Variants in RIPOR2 observed in about 807,000 individuals in gnomAD.
RIPOR2 encodes rho family-interacting cell polarization regulator 2.
Under a neutral mutation model 114.5 loss-of-function variants are expected in RIPOR2, and 39 were observed. That is an observed-to-expected ratio of 0.34 (90% CI 0.26 to 0.44). The LOEUF is 0.44. Among genes scored for constraint, RIPOR2 ranks in the 20% least tolerant of loss-of-function variants. The pLI, the probability that RIPOR2 is intolerant of heterozygous loss-of-function variation, is 1.00. For synonymous variants in RIPOR2, 445 were observed against 484.4 expected (o/e 0.92, Z 1.07); for missense variants, 1,007 against 1,255.1 (o/e 0.80, Z 2.99).
In RIPOR2 at chr6:24,806,695, A is replaced by C. The variant is rs9379690; in HGVS notation, c.3044-222T>G. Among the ~76,000 whole-genome samples the C allele has an allele frequency of 0.45, 67,834 of 152,010 alleles. 16,052 individuals carry two copies. Among genetic ancestry groups the C allele is most frequent in the Non-Finnish European group, 0.54 (36,424 of 67,990 alleles). ...TGAGCTAATTAATGCCAGAGACCAA[A>C]AGAATGCCAGGGTATGAAACAGAGT... On this transcript the variant is annotated intron_variant, in intron 21 of 21. Transcript: ENST00000643898.
intron 1 of RIPOR2, among the ~76,000 whole-genome samples, chr6:24,986,322 T>G (rs995533438): frequency 6.6e-6 from 1 of 152,232 alleles, no homozygotes; most frequent in Non-Finnish European, 1.5e-5. Context: ...GTCCATGCTC[T>G]TAACCACTGT....
In RIPOR2 at chr6:24,804,456, ACAAAC is replaced by A. The variant is rs1267994770; in HGVS notation, c.*1912_*1916del. ...AGTCAAAATAAAAAATAAAAAAATGACAAACCAAACACAAAATCCTGTAACATCTG... is the reference window on the plus strand; with the variant it reads ...AGTCAAAATAAAAAATAAAAAAATGACAAACACAAAATCCTGTAACATCTG... On this transcript the variant is annotated 3_prime_UTR_variant, in exon 22 of 22. Transcript: ENST00000643898. 4 of 151,226 alleles carry A rather than the reference ACAAAC, an allele frequency of 2.6e-5. No homozygotes were observed. Among genetic ancestry groups the A allele is most frequent in the African/African-American group, 9.7e-5 (4 of 41,276 alleles). The allele number at this position is 151,226 out of a possible 1,614,324, so 9.4% of individuals were successfully genotyped here.
intron 1 of RIPOR2, among the ~76,000 whole-genome samples, chr6:24,918,425 T>C (rs1404522645): frequency 3.9e-5 from 6 of 152,210 alleles, no homozygotes; most frequent in Admixed American, 2.6e-4. Context: ...TCTCTTTCCA[T>C]TGTAGGCCAG....
chr6:25,000,931 A>C (rs1312748136), intron 1 of RIPOR2, among the ~76,000 whole-genome samples: 1 of 152,150 alleles, frequency 6.6e-6, no homozygotes, highest in Non-Finnish European at 1.5e-5. Context: ...ACCAGGCATC[A>C]TTTACCACTT....
intron 19 of RIPOR2, among the ~76,000 whole-genome samples, chr6:24,820,027 T>TTTTA (rs1250244686): frequency 1.3e-5 from 2 of 152,136 alleles, no homozygotes; most frequent in African/African-American, 2.4e-5. Flanking sequence ...TATTTTCTAT[T>TTTTA]TTTATTTATT....
rs1412879818 is a variant in RIPOR2 at position 24,830,483 on chromosome 6, A to G, written c.2506+26T>C. The stretch of plus-strand genomic sequence containing the variant: ...CCCACTCTCACACTGAAGGACAGAA[A>G]TTCTCTCTCTACTGCTGCCTCATAC... On this transcript the variant is annotated intron_variant, in intron 17 of 21. Coordinates refer to ENST00000643898, the MANE Select transcript of RIPOR2 (RefSeq NM_001286445.3). The G allele has an allele frequency of 3.2e-6, 5 of 1,546,866 alleles. No individual in the cohort carries two copies. In the African/African-American group the frequency reaches 5.5e-5, roughly 17 times the overall value.
chr6:24,987,722 T>C (rs1483910877), intron 1 of RIPOR2, among the ~76,000 whole-genome samples: 3 of 152,202 alleles, frequency 2.0e-5, no homozygotes, highest in Non-Finnish European at 4.4e-5. Flanking sequence ...TATGTATAAA[T>C]GTCCTTGCCG....
chr6:24,818,350 A>G (rs1167594903), intron 20 of RIPOR2, among the ~76,000 whole-genome samples, 192 bp downstream of exon 20: 1 of 152,176 alleles, frequency 6.6e-6, no homozygotes, highest in Non-Finnish European at 1.5e-5. Context: ...CCACTTATTG[A>G]CTTTAACAAA....
rs1400255179 is a variant in RIPOR2 at position 24,943,302 on chromosome 6, G to T, written c.77-67485C>A. ...TGGGAACTGAACAATGAGAACACTT[G>T]GACACAGGAAGGGGAACATCACACA... On this transcript the variant is annotated intron_variant, in intron 1 of 13. Transcript: ENST00000510784. Among the ~76,000 whole-genome samples the T allele has an allele frequency of 2.6e-5, 4 of 152,116 alleles. No individual in the cohort carries two copies. The South Asian group carries it at 8.3e-4, about 32-fold the overall frequency.
Position 24,825,398 on chromosome 6 carries a change from CTT to C in RIPOR2, c.2694_2695del (p.Asp900Ter), listed in dbSNP as rs1275019854. The C allele has an allele frequency of 5.2e-6, 8 of 1,552,164 alleles. No individual in the cohort carries two copies. Among genetic ancestry groups the C allele is most frequent in the Non-Finnish European group, 7.0e-6 (8 of 1,147,064 alleles). On this transcript the variant is annotated frameshift_variant, in exon 19 of 22. Coordinates refer to ENST00000643898, the MANE Select transcript of RIPOR2 (RefSeq NM_001286445.3). LOFTEE classifies it high-confidence loss of function. ...CATGGTTTGTAGCAGTTTTTCATCT[CTT>C]AGTGATTGCAGAGTCTGAACCATGG...
chr6:25,000,996 T>C (rs1354603595), intron 1 of RIPOR2, among the ~76,000 whole-genome samples: 2 of 152,196 alleles, frequency 1.3e-5, no homozygotes, highest in Admixed American at 1.3e-4. Flanking sequence ...ACCTCGATTT[T>C]TTTTCAGGTG....
rs367795508 is a variant in RIPOR2, at chr6:24,999,712, C to T, written c.76+42139G>A. ...CTGGGACTACAGGCGCCCACCACCA[C>T]GCCTGGCTAATTTTTTTGTATTTTT... On this transcript the variant is annotated intron_variant, in intron 1 of 13. Transcript: ENST00000510784. 2.8e-3 allele frequency among the ~76,000 whole-genome samples: 427 copies of T among 152,156 alleles called. 1 individual carries two copies. Among genetic ancestry groups the T allele is most frequent in the African/African-American group, 9.6e-3 (399 of 41,526 alleles).
rs76658511 is a variant in RIPOR2 at position 24,974,104 on chromosome 6, T to C, written c.76+67747A>G. The stretch of plus-strand genomic sequence containing the variant: ...TGTGCTCGTTGAGTCTAATAAGTTG[T>C]GTTGGGTGGTGGCTCATGCCTGTAA... On this transcript the variant is annotated intron_variant, in intron 1 of 13. Transcript: ENST00000510784. Among the ~76,000 whole-genome samples, 1,509 of 152,188 alleles carry C rather than the reference T, an allele frequency of 9.9e-3. 17 individuals carry two copies. The highest frequency in any genetic ancestry group is 0.032 in the African/African-American group (1,310 of 41,508).
chr6:24,852,567 ATACT>A lies in RIPOR2; in HGVS notation c.759+4_759+7del. On this transcript the variant is annotated splice_donor_5th_base_variant and intron_variant, in intron 9 of 21. Coordinates refer to ENST00000643898, the MANE Select transcript of RIPOR2 (RefSeq NM_001286445.3). The stretch of plus-strand genomic sequence containing the variant: ...TAATTCCAGCACCTAGACCAAGACA[ATACT>A]TACTTCATATTGATCTCCAGGACAG... The A allele has an allele frequency of 6.2e-7, 1 of 1,609,786 alleles. No homozygotes were observed. The highest frequency in any genetic ancestry group is 8.5e-7 in the Non-Finnish European group (1 of 1,177,214).
At chr6:24,998,890 T>TA (rs931171047) in intron 1 of RIPOR2, among the ~76,000 whole-genome samples, 2 of 147,730 alleles carry the variant, frequency 1.4e-5, no homozygotes, top group African/African-American at 5.0e-5. Context: ...TTTTTTTTTT[T>TA]ATTGTAGAGC....
chr6:24,851,434 T>C (rs1253355372), intron 9 of RIPOR2, among the ~76,000 whole-genome samples: 1 of 152,152 alleles, frequency 6.6e-6, no homozygotes, highest in Non-Finnish European at 1.5e-5. Flanking sequence ...TTACTCTGGA[T>C]AGAGAGATGG....
At chr6:24,944,835 T>C (rs1772327425) in intron 1 of RIPOR2, among the ~76,000 whole-genome samples, 1 of 152,072 alleles carries the variant, frequency 6.6e-6, no homozygotes, top group Admixed American at 6.6e-5. Context: ...TCTTCAATAA[T>C]ACTAAAAAGC....
chr6:24,896,225 T>C (rs1258688423), intron 1 of RIPOR2, among the ~76,000 whole-genome samples: 3 of 152,200 alleles, frequency 2.0e-5, no homozygotes, highest in African/African-American at 4.8e-5. Flanking sequence ...CTGTGTGGCT[T>C]TCACGGGTTG....
upstream of RIPOR2, chr6:25,042,165 T>C (rs1337675801): frequency 2.3e-6 from 1 of 434,580 alleles, no homozygotes. Context: ...GCAGCTGCTG[T>C]GCTGGGCTGC....
Sources: allele counts gnomAD v4.1 joint callset (sites outside exome capture counted in the v4.1 genomes callset), GRCh38; gene constraint gnomAD v4.1.1; transcripts MANE v1.5; gene names NCBI Gene and HGNC (gene_info 2026-07-23, HGNC 2026-07-21).